Variants in KHDRBS2 observed in about 807,000 individuals in gnomAD.
The protein encoded by KHDRBS2 is KH RNA binding domain containing, signal transduction associated 2, also known as KH domain-containing, RNA-binding, signal transduction-associated protein 2.
A neutral mutation model predicts 44.3 loss-of-function variants in KHDRBS2; 26 were observed. The ratio of observed to expected loss-of-function variants is 0.59; its 90% confidence interval spans 0.43 to 0.81. The LOEUF is 0.81. KHDRBS2 is among the 40% of genes least tolerant of loss of function. KHDRBS2 has a pLI of 0.00. For missense variants in KHDRBS2, 476 were observed against 433.1 expected (o/e 1.10, Z -0.88); for synonymous variants, 194 against 151.1 (o/e 1.28, Z -2.08).
intron 1 of KHDRBS2, among the ~76,000 whole-genome samples, chr6:62,205,405 C>A (rs1005342191): frequency 6.6e-6 from 1 of 152,098 alleles, no homozygotes; most frequent in African/African-American, 2.4e-5. Flanking sequence ...GCCACCATAT[C>A]TTTCCTATTA....
chr6:61,986,309 T>C (rs1049744668), intron 3 of KHDRBS2, among the ~76,000 whole-genome samples: 1 of 152,198 alleles, frequency 6.6e-6, no homozygotes, highest in African/African-American at 2.4e-5. Context: ...GGTTTGAAAA[T>C]GGTCTGCCCT....
chr6:62,017,325 C>A (rs891335006), intron 3 of KHDRBS2, among the ~76,000 whole-genome samples: 1 of 151,914 alleles, frequency 6.6e-6, no homozygotes, highest in African/African-American at 2.4e-5. Context: ...ATGATAAAAT[C>A]CTATAAGAGG....
chr6:61,846,872 T>C (rs1473455454), intron 6 of KHDRBS2, among the ~76,000 whole-genome samples: 2 of 151,976 alleles, frequency 1.3e-5, no homozygotes, highest in Non-Finnish European at 2.9e-5. Flanking sequence ...AAAAATTACA[T>C]TTACAATAAT....
intron 1 of KHDRBS2, among the ~76,000 whole-genome samples, chr6:62,183,731 T>G (rs1473811851): frequency 1.3e-5 from 2 of 151,642 alleles, no homozygotes; most frequent in African/African-American, 4.8e-5. Context: ...GAAAATATTT[T>G]TTGTTAATGA....
intron 7 of KHDRBS2, among the ~76,000 whole-genome samples, chr6:61,705,086 G>A (rs1769304131): frequency 6.6e-6 from 1 of 151,802 alleles, no homozygotes; most frequent in Non-Finnish European, 1.5e-5. Flanking sequence ...TGAAAGGTTT[G>A]TAAAATCTGA....
chr6:62,052,275 T>G (rs1382804341), intron 2 of KHDRBS2, among the ~76,000 whole-genome samples: 2 of 151,930 alleles, frequency 1.3e-5, no homozygotes, highest in Non-Finnish European at 2.9e-5. Flanking sequence ...AACAATATAG[T>G]GGAATATTAT....
chr6:61,874,909 G>C (rs1799199349), intron 6 of KHDRBS2, among the ~76,000 whole-genome samples: 1 of 152,044 alleles, frequency 6.6e-6, no homozygotes, highest in Non-Finnish European at 1.5e-5. Flanking sequence ...ATAAAAGTCA[G>C]TCATTTAATT....
chr6:61,970,277 T>C (rs1005924716), intron 4 of KHDRBS2, among the ~76,000 whole-genome samples: 1 of 151,980 alleles, frequency 6.6e-6, no homozygotes, highest in African/African-American at 2.4e-5. Context: ...GTTTCTTGTT[T>C]GCATGAATAA....
intron 1 of KHDRBS2, 60 bp downstream of exon 1, chr6:62,285,798 C>A: frequency 8.1e-7 from 1 of 1,241,778 alleles, no homozygotes; most frequent in Non-Finnish European, 1.2e-6. Context: ...CTCCCCTAAT[C>A]AAGCCGCGGG....
intron 1 of KHDRBS2, among the ~76,000 whole-genome samples, chr6:62,222,268 C>G (rs1393240772): frequency 6.7e-6 from 1 of 149,082 alleles, no homozygotes; most frequent in Non-Finnish European, 1.5e-5. Flanking sequence ...GAGTGGGGGT[C>G]TTGGGGAGAA....
At position 61,697,257 on chromosome 6, in the gene KHDRBS2, C is replaced by A. The variant is rs769042108; in HGVS notation, c.894-4G>T. The A allele has an allele frequency of 6.3e-7, 1 of 1,591,686 alleles. No homozygotes were observed. The highest frequency in any genetic ancestry group is 2.2e-5 in the East Asian group (1 of 44,708). ...GTAGTCATAGTATTCAGGCACACTG[C>A]AACAAATTTAGATAGCAATCAATGT... On this transcript the variant is annotated splice_region_variant and splice_polypyrimidine_tract_variant and intron_variant, in intron 7 of 8. Transcript: ENST00000281156.
intron 4 of KHDRBS2, among the ~76,000 whole-genome samples, chr6:61,924,358 G>A (rs535505473): frequency 1.3e-5 from 2 of 152,090 alleles, no homozygotes; most frequent in East Asian, 3.9e-4. Context: ...ATTTTAGGGG[G>A]GATGGAGAGA....
chr6:62,056,133 T>C (rs1288039698), intron 2 of KHDRBS2, among the ~76,000 whole-genome samples: 1 of 151,992 alleles, frequency 6.6e-6, no homozygotes, highest in Non-Finnish European at 1.5e-5. Flanking sequence ...TTGTGGGTTA[T>C]AACTATTAAA....
intron 1 of KHDRBS2, among the ~76,000 whole-genome samples, chr6:62,204,257 G>C (rs1168299581): frequency 1.3e-5 from 2 of 152,172 alleles, no homozygotes; most frequent in Non-Finnish European, 2.9e-5. Context: ...AGGATGAAGT[G>C]ATATCAAAGA....
the KHDRBS2 span, among the ~76,000 whole-genome samples, chr6:61,646,379 G>C: frequency 6.6e-6 from 1 of 152,294 alleles, no homozygotes; most frequent in East Asian, 1.9e-4. Flanking sequence ...GGAGTAGGCA[G>C]ATGCTTTCAG....
At chr6:61,906,893 CT>C (rs199843521) in intron 4 of KHDRBS2, among the ~76,000 whole-genome samples, 29,076 of 146,726 alleles carry the variant, frequency 0.2, 2,925 homozygotes, top group Non-Finnish European at 0.24. Flanking sequence ...TACTAGTTTG[CT>C]TTTTTTTTTT....
At chr6:61,629,761 C>A in the KHDRBS2 span, among the ~76,000 whole-genome samples, 1 of 152,096 alleles carries the variant, frequency 6.6e-6, no homozygotes, top group Non-Finnish European at 1.5e-5. Context: ...AACACCTAAT[C>A]TGTGAATAGA....
the KHDRBS2 span, among the ~76,000 whole-genome samples, chr6:61,605,122 G>A: frequency 6.6e-6 from 1 of 152,064 alleles, no homozygotes; most frequent in Non-Finnish European, 1.5e-5. Context: ...GCGAATTCGG[G>A]CCTGTCCTCG....
At chr6:61,731,051 T>C (rs1408385065) in intron 7 of KHDRBS2, among the ~76,000 whole-genome samples, 2 of 152,124 alleles carry the variant, frequency 1.3e-5, no homozygotes, top group Admixed American at 1.3e-4. Context: ...TAGTCTATTC[T>C]AATTGTGTTT....
Sources: gnomAD v4.1 joint callset for allele counts (sites outside exome capture counted in the v4.1 genomes callset) on GRCh38, gnomAD v4.1.1 for gene constraint, MANE v1.5 for transcripts, NCBI Gene and HGNC (gene_info 2026-07-23, HGNC 2026-07-21) for gene names.